The following PPM1E variants were observed in gnomAD, a reference collection of about 807,000 sequenced individuals.
The protein encoded by PPM1E is protein phosphatase 1E.
PPM1E carries 20 observed loss-of-function variants against 65.9 expected under a neutral mutation model. That is an observed-to-expected ratio of 0.30 (90% CI 0.21 to 0.44). The LOEUF is 0.44. Among genes scored for constraint, PPM1E ranks in the 20% least tolerant of loss-of-function variants. The pLI is 1.00. For synonymous variants in PPM1E, 352 were observed against 374.9 expected (o/e 0.94, Z 0.70); for missense variants, 713 against 953.1 (o/e 0.75, Z 3.32).
chr17:58,808,707 T>G (rs2050337909), intron 1 of PPM1E, among the ~76,000 whole-genome samples: 1 of 152,192 alleles, frequency 6.6e-6, no homozygotes, highest in South Asian at 2.1e-4. Flanking sequence ...TTAGTAAATC[T>G]TCAGAGTTGT....
intron 1 of PPM1E, among the ~76,000 whole-genome samples, chr17:58,887,395 G>A (rs1200592179): frequency 6.6e-6 from 1 of 152,050 alleles, no homozygotes; most frequent in Non-Finnish European, 1.5e-5. Flanking sequence ...TTGAACTCCC[G>A]ACCTCAGGTG....
At chr17:58,956,590 T>C (rs866755270) in intron 2 of PPM1E, among the ~76,000 whole-genome samples, 10 of 152,194 alleles carry the variant, frequency 6.6e-5, no homozygotes, top group African/African-American at 2.4e-4. Flanking sequence ...ATGATAGATA[T>C]GCAAATGTGA....
intron 1 of PPM1E, among the ~76,000 whole-genome samples, chr17:58,854,955 C>A (rs991784891): frequency 1.3e-5 from 2 of 152,126 alleles, no homozygotes; most frequent in Non-Finnish European, 2.9e-5. Flanking sequence ...CAGAAACCCA[C>A]AAGTAGCAAC....
At chr17:58,813,467 T>G (rs1349052122) in intron 1 of PPM1E, among the ~76,000 whole-genome samples, 1 of 152,208 alleles carries the variant, frequency 6.6e-6, no homozygotes, top group Non-Finnish European at 1.5e-5. Context: ...AGATTGCTCC[T>G]TATCCCAATG....
At chr17:58,899,379 A>C (rs1250208249) in intron 1 of PPM1E, 1 of 163,196 alleles carries the variant, frequency 6.1e-6, no homozygotes, top group African/African-American at 2.4e-5. Context: ...GGCGCTGAAG[A>C]CCTCCCTCAA....
chr17:58,881,677 AAAAAC>A (rs1475726357), intron 1 of PPM1E, among the ~76,000 whole-genome samples: 2 of 151,920 alleles, frequency 1.3e-5, no homozygotes, highest in African/African-American at 4.8e-5. Context: ...ACAAAAAACA[AAAAAC>A]AAAACATAAA....
chr17:58,783,810 C>T (rs899546126), intron 1 of PPM1E, among the ~76,000 whole-genome samples: 6 of 152,046 alleles, frequency 3.9e-5, no homozygotes, highest in Middle Eastern at 3.4e-3. Flanking sequence ...CAGGTTCAAG[C>T]GATTCTCTTG....
At chr17:58,768,775 TTC>T (rs1357187802) in intron 1 of PPM1E, among the ~76,000 whole-genome samples, 1 of 152,206 alleles carries the variant, frequency 6.6e-6, no homozygotes, top group Non-Finnish European at 1.5e-5. Context: ...GTTAAAGTGA[TTC>T]TCCTGTCTCA....
At chr17:58,978,074 A>T (rs1464844102) in intron 6 of PPM1E, among the ~76,000 whole-genome samples, 1 of 152,236 alleles carries the variant, frequency 6.6e-6, no homozygotes, top group Non-Finnish European at 1.5e-5. Context: ...AGATACTAGA[A>T]ATAATGAATA....
chr17:58,806,129 A>G (rs2050312164), intron 1 of PPM1E, among the ~76,000 whole-genome samples: 1 of 152,052 alleles, frequency 6.6e-6, no homozygotes. Flanking sequence ...TTCTGAAAGT[A>G]GGGAGTATCT....
At chr17:58,823,878 C>A (rs1251665504) in intron 1 of PPM1E, among the ~76,000 whole-genome samples, 1 of 152,006 alleles carries the variant, frequency 6.6e-6, no homozygotes, top group East Asian at 1.9e-4. Flanking sequence ...CTACAGGTAC[C>A]CGCCACCACA....
chr17:58,827,180 C>T (rs1437938534), intron 1 of PPM1E, among the ~76,000 whole-genome samples: 1 of 146,704 alleles, frequency 6.8e-6, no homozygotes, highest in African/African-American at 2.5e-5. Context: ...CTCTGTCACC[C>T]AGGCTGGAGT....
chr17:58,976,780 T>C (rs757031189), intron 6 of PPM1E, among the ~76,000 whole-genome samples: 1 of 152,190 alleles, frequency 6.6e-6, no homozygotes, highest in African/African-American at 2.4e-5. Flanking sequence ...TACAAATCTT[T>C]GTATGTTCTG....
chr17:58,762,668 C>T (rs1176082133), intron 1 of PPM1E, among the ~76,000 whole-genome samples: 4 of 152,134 alleles, frequency 2.6e-5, no homozygotes, highest in Admixed American at 1.3e-4. Context: ...GAGGCCGAGG[C>T]GGGCGGATCA....
intron 1 of PPM1E, among the ~76,000 whole-genome samples, chr17:58,918,650 C>T (rs921954192): frequency 2.0e-5 from 3 of 151,472 alleles, no homozygotes; most frequent in African/African-American, 7.3e-5. Context: ...TACTAAAATA[C>T]AAAAAATTCG....
At chr17:58,781,656 C>T (rs989012541) in intron 1 of PPM1E, among the ~76,000 whole-genome samples, 1 of 151,930 alleles carries the variant, frequency 6.6e-6, no homozygotes, top group Non-Finnish European at 1.5e-5. Flanking sequence ...AATCCCAGCA[C>T]TTTCGGAGGC....
chr17:58,834,193 A>G (rs1598600446), intron 1 of PPM1E, among the ~76,000 whole-genome samples: 1 of 151,950 alleles, frequency 6.6e-6, no homozygotes, highest in East Asian at 1.9e-4. Flanking sequence ...GGGTATGGCT[A>G]TTGTAAATGG....
chr17:58,857,360 T>A (rs2050894187), intron 1 of PPM1E, among the ~76,000 whole-genome samples: 2 of 152,132 alleles, frequency 1.3e-5, no homozygotes, highest in Admixed American at 6.6e-5. Flanking sequence ...TAATTTGTTT[T>A]CCTGGGGCAT....
At chr17:58,820,045 AATAAATAAATAAATAAG>A in intron 1 of PPM1E, among the ~76,000 whole-genome samples, 1 of 152,058 alleles carries the variant, frequency 6.6e-6, no homozygotes, top group African/African-American at 2.4e-5. Context: ...TCAAACAAAA[AATAAATAAATAAATAAG>A]ATAAATAAAT....
Sources: allele counts gnomAD v4.1 joint callset (sites outside exome capture counted in the v4.1 genomes callset), GRCh38; gene constraint gnomAD v4.1.1; transcripts MANE v1.5; gene names NCBI Gene and HGNC (gene_info 2026-07-23, HGNC 2026-07-21).